Variants in PLCB1 observed in about 807,000 individuals in gnomAD.
The protein encoded by PLCB1 is phospholipase C beta 1, also known as 1-phosphatidylinositol 4,5-bisphosphate phosphodiesterase beta-1.
In PLCB1, 46 loss-of-function variants were observed where a neutral mutation model predicts 161.8. The ratio of observed to expected loss-of-function variants is 0.28; its 90% CI spans 0.22 to 0.36. The LOEUF is 0.36. Ranked by LOEUF, PLCB1 falls within the 10% of genes least tolerant of loss-of-function variation. The probability of loss-of-function intolerance (pLI) is 1.00; values close to 1 mark genes in which losing one functional copy is unlikely to be tolerated. For synonymous variants in PLCB1, 517 were observed against 503.7 expected (o/e 1.03, Z -0.35); for missense variants, 1,016 against 1,472.5 (o/e 0.69, Z 5.07).
chr20:8,279,690 T>C (rs1982780584), intron 2 of PLCB1, among the ~76,000 whole-genome samples: 1 of 152,224 alleles, frequency 6.6e-6, no homozygotes, highest in African/African-American at 2.4e-5. Context: ...ATGAATACAC[T>C]ATAAACGCAC....
intron 3 of PLCB1, among the ~76,000 whole-genome samples, chr20:8,415,009 C>T (rs1303524125): frequency 6.6e-6 from 1 of 152,090 alleles, no homozygotes; most frequent in African/African-American, 2.4e-5. Context: ...TGTTCACTTG[C>T]TAATTAACCA....
intron 31 of PLCB1, among the ~76,000 whole-genome samples, chr20:8,875,830 A>T (rs1166444477): frequency 6.6e-6 from 1 of 152,040 alleles, no homozygotes; most frequent in Non-Finnish European, 1.5e-5. Context: ...TTTATGTTAT[A>T]CTGGGTTTTG....
intron 9 of PLCB1, among the ~76,000 whole-genome samples, chr20:8,681,084 G>GTATATA (rs1205332253): frequency 7.5e-5 from 3 of 39,790 alleles, no homozygotes; most frequent in Admixed American, 2.8e-4. Context: ...ATATGTGTGT[G>GTATATA]TGTATATATA....
chr20:8,290,060 T>A (rs1257478121), intron 2 of PLCB1, among the ~76,000 whole-genome samples: 2 of 152,222 alleles, frequency 1.3e-5, no homozygotes, highest in Non-Finnish European at 1.5e-5. Context: ...ATTTTTACTG[T>A]GTACCCTAAA....
intron 3 of PLCB1, among the ~76,000 whole-genome samples, chr20:8,608,183 T>C (rs1217554631): frequency 6.6e-6 from 1 of 152,148 alleles, no homozygotes; most frequent in East Asian, 1.9e-4. Context: ...GTTATTTCTT[T>C]AAAAAATAAA....
intron 3 of PLCB1, among the ~76,000 whole-genome samples, chr20:8,506,958 C>T (rs1171556892): frequency 6.6e-6 from 1 of 152,126 alleles, no homozygotes; most frequent in African/African-American, 2.4e-5. Context: ...CAAAAATCCA[C>T]TTATAACTCT....
At chr20:8,283,715 C>T (rs1169128641) in intron 2 of PLCB1, among the ~76,000 whole-genome samples, 3 of 151,874 alleles carry the variant, frequency 2.0e-5, no homozygotes, top group African/African-American at 7.2e-5. Context: ...TATTTGAGTA[C>T]TCACTGCATC....
At chr20:8,277,263 T>C (rs1982628789) in intron 2 of PLCB1, among the ~76,000 whole-genome samples, 1 of 151,992 alleles carries the variant, frequency 6.6e-6, no homozygotes, top group Non-Finnish European at 1.5e-5. Flanking sequence ...AATCATCGTA[T>C]ATGAGGATCC....
intron 3 of PLCB1, among the ~76,000 whole-genome samples, chr20:8,391,824 TACACACAC>T (rs1555803235): frequency 2.6e-5 from 3 of 115,408 alleles, no homozygotes; most frequent in African/African-American, 6.4e-5. Flanking sequence ...TATATATATA[TACACACAC>T]ATATATATAT....
chr20:8,613,734 T>C (rs1166018136), intron 3 of PLCB1, among the ~76,000 whole-genome samples: 1 of 152,144 alleles, frequency 6.6e-6, no homozygotes, highest in Non-Finnish European at 1.5e-5. Context: ...TAAGCATTTA[T>C]AAAGTATATA....
chr20:8,380,571 A>G (rs1213228755), intron 3 of PLCB1, among the ~76,000 whole-genome samples: 1 of 152,158 alleles, frequency 6.6e-6, no homozygotes, highest in African/African-American at 2.4e-5. Flanking sequence ...GATTCTTCCT[A>G]TCCATGATGA....
chr20:8,555,303 C>G (rs1442622265), intron 3 of PLCB1, among the ~76,000 whole-genome samples: 5 of 152,026 alleles, frequency 3.3e-5, no homozygotes, highest in African/African-American at 1.2e-4. Context: ...GATCATGATA[C>G]TAAGTCAATG....
intron 2 of PLCB1, among the ~76,000 whole-genome samples, chr20:8,335,200 A>G (rs960314625): frequency 6.6e-6 from 1 of 152,224 alleles, no homozygotes; most frequent in African/African-American, 2.4e-5. Flanking sequence ...GACATAGTAT[A>G]CATAGTAAAA....
At chr20:8,243,590 C>T (rs946255402) in intron 2 of PLCB1, among the ~76,000 whole-genome samples, 21 of 151,892 alleles carry the variant, frequency 1.4e-4, no homozygotes, top group African/African-American at 5.1e-4. Context: ...AAGCCATATG[C>T]TTTGTGGTGC....
chr20:8,268,011 C>G (rs908613670), intron 2 of PLCB1, among the ~76,000 whole-genome samples: 1 of 150,728 alleles, frequency 6.6e-6, no homozygotes, highest in Admixed American at 6.6e-5. Context: ...TACATGTGCA[C>G]AACGTGCAGG....
chr20:8,695,566 C>G (rs1318072294), intron 10 of PLCB1, among the ~76,000 whole-genome samples: 2 of 152,056 alleles, frequency 1.3e-5, no homozygotes, highest in African/African-American at 4.8e-5. Context: ...GTTGAGCATG[C>G]TCGTGCACAT....
At chr20:8,851,786 G>A (rs1986896239) in intron 31 of PLCB1, among the ~76,000 whole-genome samples, 1 of 149,400 alleles carries the variant, frequency 6.7e-6, no homozygotes, top group South Asian at 2.1e-4. Context: ...ACAAAAGTAA[G>A]AGAATCTTTC....
At chr20:8,290,449 A>T (rs2123301060) in intron 2 of PLCB1, among the ~76,000 whole-genome samples, 1 of 152,308 alleles carries the variant, frequency 6.6e-6, no homozygotes, top group South Asian at 2.1e-4. Context: ...GAGACAGCAC[A>T]GGTTCACACT....
chr20:8,636,324 T>G (rs1231691424), intron 4 of PLCB1, among the ~76,000 whole-genome samples: 1 of 152,176 alleles, frequency 6.6e-6, no homozygotes, highest in African/African-American at 2.4e-5. Context: ...CACCCAATCA[T>G]AAAAAGGACC....
Sources: gnomAD v4.1 joint callset for allele counts (sites outside exome capture counted in the v4.1 genomes callset) on GRCh38, gnomAD v4.1.1 for gene constraint, MANE v1.5 for transcripts, NCBI Gene and HGNC (gene_info 2026-07-23, HGNC 2026-07-21) for gene names.